The following POLE4 variants were observed in gnomAD, a reference collection of about 807,000 sequenced individuals.
POLE4 encodes the protein DNA polymerase epsilon subunit 4.
A neutral mutation model predicts 15.6 loss-of-function variants in POLE4; 15 were observed. The ratio of observed to expected loss-of-function variants is 0.96; its 90% CI spans 0.64 to 1.48. POLE4 has a LOEUF of 1.48. POLE4 is among the 40% of genes most tolerant of loss of function. The pLI, the probability that POLE4 is intolerant of heterozygous loss-of-function variation, is 0.00. For missense variants in POLE4, 205 were observed against 151.9 expected, an observed-to-expected ratio of 1.35 and a Z score of -1.84; for synonymous variants, 83 against 63.2, an observed-to-expected ratio of 1.31 and a Z score of -1.49.
intron 3 of POLE4, among the ~76,000 whole-genome samples, chr2:74,967,367 A>G (rs1671311779): frequency 7.0e-6 from 1 of 142,164 alleles, no homozygotes; most frequent in Non-Finnish European, 1.5e-5. Context: ...CAGTACTGTG[A>G]GTTCTGTTTG....
chr2:74,965,735 A>T (rs1000051384), intron 3 of POLE4, among the ~76,000 whole-genome samples: 1 of 152,192 alleles, frequency 6.6e-6, no homozygotes, highest in Non-Finnish European at 1.5e-5. Context: ...AGCCTTTTAT[A>T]TTTGTAAATT....
At chr2:74,969,295 C>A (rs1393847940) in intron 3 of POLE4, 114 bp from the exon 4 acceptor site, 2 of 924,720 alleles carry the variant, frequency 2.2e-6, no homozygotes, top group East Asian at 2.4e-5. Flanking sequence ...GTATTTTGGT[C>A]TTAGAGAACT....
intron 1 of POLE4, 162 bp downstream of exon 1, chr2:74,959,054 T>C: frequency 1.5e-6 from 1 of 655,694 alleles, no homozygotes; most frequent in Admixed American, 2.9e-5. Context: ...CTGTGCGAGT[T>C]TTGTTAACAC....
Position 74,960,160 on chromosome 2 carries a change from C to A in POLE4, c.340+14C>A. The A allele has an allele frequency of 6.2e-7, 1 of 1,603,002 alleles. No homozygotes were observed. Among genetic ancestry groups the A allele is most frequent in the Non-Finnish European group, 8.5e-7 (1 of 1,169,850 alleles). ...CTTTTCTGGAAGGTGAGTTCCCTCT[C>A]AGTGGGCAATCATTTCCGCCTGTCT... On this transcript the variant is annotated intron_variant, in intron 3 of 3. Coordinates refer to ENST00000483063, the MANE Select transcript of POLE4 (RefSeq NM_019896.4).
chr2:74,967,864 T>A (rs1464264052), intron 3 of POLE4, among the ~76,000 whole-genome samples: 1 of 152,212 alleles, frequency 6.6e-6, no homozygotes, highest in African/African-American at 2.4e-5. Context: ...CATACTGATA[T>A]GAACTCAGGC....
intron 3 of POLE4, among the ~76,000 whole-genome samples, chr2:74,963,526 T>G: frequency 6.6e-6 from 1 of 152,092 alleles, no homozygotes; most frequent in East Asian, 1.9e-4. Context: ...TTTTTTGACG[T>G]GGAGTCTTGC....
At chr2:74,965,586 A>G (rs919526164) in intron 3 of POLE4, among the ~76,000 whole-genome samples, 4 of 152,166 alleles carry the variant, frequency 2.6e-5, no homozygotes, top group Admixed American at 6.5e-5. Context: ...TGTTTCAAAG[A>G]GTTATGTGTT....
At chr2:74,961,617 A>T (rs914821172) in intron 3 of POLE4, 6 of 152,236 alleles carry the variant, frequency 3.9e-5, no homozygotes, top group Non-Finnish European at 8.8e-5. Context: ...ACTGGAGGGT[A>T]CTAGGAATAG....
In POLE4 at chr2:74,969,361, C is replaced by T. The variant is rs77911144; in HGVS notation, c.341-48C>T. The T allele has an allele frequency of 4.1e-3, 6,591 of 1,595,724 alleles. 13 individuals carry two copies. The highest frequency in any genetic ancestry group is 5.2e-3 in the Non-Finnish European group (6,090 of 1,163,360). ...AGTTTGCCCAGCTTGTTACACTAAT[C>T]CAGCTTCTGAGGTCCCCTGATATAC... is the stretch of plus-strand genomic sequence containing the variant. On this transcript the variant is annotated intron_variant, in intron 3 of 3. Transcript: ENST00000483063.
At chr2:74,966,216 C>T (rs1671294063) in intron 3 of POLE4, among the ~76,000 whole-genome samples, 4 of 152,106 alleles carry the variant, frequency 2.6e-5, no homozygotes, top group African/African-American at 9.7e-5. Context: ...CCCTCATTCT[C>T]AACAAATTGA....
intron 3 of POLE4, chr2:74,961,195 A>G (rs929902965): frequency 2.6e-5 from 4 of 152,212 alleles, no homozygotes; most frequent in Non-Finnish European, 4.4e-5. Flanking sequence ...ACCTCCTTCA[A>G]GCCTTATTAC....
Position 74,969,058 on chromosome 2 carries a change from T to C in POLE4, c.341-351T>C, listed in dbSNP as rs1243212823. Among the ~76,000 whole-genome samples the C allele has an allele frequency of 5.9e-5, 9 of 152,364 alleles. No individual in the cohort carries two copies. In the East Asian group the frequency reaches 1.3e-3, roughly 23 times the overall value. ...AGTCCCCCATCTGGAACTGAAACTT[T>C]CTAAAAAGATTATAAACTCTTTAAT... On this transcript the variant is annotated intron_variant, in intron 3 of 3. Transcript: ENST00000483063.
intron 3 of POLE4, among the ~76,000 whole-genome samples, chr2:74,967,313 TA>T (rs1411883535): frequency 3.3e-5 from 5 of 151,682 alleles, no homozygotes; most frequent in African/African-American, 1.2e-4. Context: ...TCCTTTAAAC[TA>T]TTTTTTTTGT....
chr2:74,959,112 T>C (rs1671173954), intron 1 of POLE4: 3 of 608,876 alleles, frequency 4.9e-6, no homozygotes, highest in African/African-American at 1.9e-5. Flanking sequence ...TTAATTTGTA[T>C]CTCCAGGGCC....
intron 3 of POLE4, among the ~76,000 whole-genome samples, chr2:74,966,238 C>T (rs1301162039): frequency 6.6e-6 from 1 of 152,204 alleles, no homozygotes; most frequent in South Asian, 2.1e-4. Flanking sequence ...ATCTCAGGAT[C>T]CATTAACTCA....
At chr2:74,963,566 T>G (rs1671255355) in intron 3 of POLE4, among the ~76,000 whole-genome samples, 1 of 152,160 alleles carries the variant, frequency 6.6e-6, no homozygotes, top group South Asian at 2.1e-4. Flanking sequence ...TGCAGTGGCA[T>G]GATCTCTGCT....
chr2:74,963,034 A>G (rs1041041935), intron 3 of POLE4, among the ~76,000 whole-genome samples: 1 of 152,322 alleles, frequency 6.6e-6, no homozygotes, highest in South Asian at 2.1e-4. Context: ...CAATTGAACT[A>G]TTTTAATGTT....
intron 3 of POLE4, among the ~76,000 whole-genome samples, chr2:74,960,833 C>T (rs1236417520): frequency 3.3e-5 from 5 of 152,108 alleles, no homozygotes. Context: ...TTCCTTTTGC[C>T]CAGTGAGGTA....
Position 74,959,222 on chromosome 2 carries a change from A to C in POLE4, c.214-119A>C. The C allele has an allele frequency of 1.2e-5, 8 of 658,732 alleles. No individual in the cohort carries two copies. The South Asian group carries it at 1.5e-4, about 12-fold the overall frequency. The allele number at this position is 658,732 out of a possible 1,614,324, so 40.8% of individuals were successfully genotyped here. A position where few individuals can be genotyped will look rare whatever the true frequency, so the allele number is the denominator to read the frequency against. ...GAAGTCCAGGACAATCTTAGCTTCC[A>C]GAACATTTTCTTGCCCCGAGCCTTT... On this transcript the variant is annotated intron_variant, in intron 1 of 3. Transcript: ENST00000483063.
Sources: allele counts gnomAD v4.1 joint callset (sites outside exome capture counted in the v4.1 genomes callset), GRCh38; gene constraint gnomAD v4.1.1; transcripts MANE v1.5; gene names NCBI Gene and HGNC (gene_info 2026-07-23, HGNC 2026-07-21).